Variants in CATSPERT observed in about 807,000 individuals in gnomAD.
The protein encoded by CATSPERT is catsper channel auxiliary subunit tau, also known as cation channel sperm-associated targeting subunit tau.
chr2:201,537,338 G>A, the CATSPERT span: 1 of 986,754 alleles, frequency 1.0e-6, no homozygotes, highest in Admixed American at 2.6e-5. Context: ...GTAACTTCTT[G>A]GATGCCTTTC....
At chr2:201,572,764 G>GA in the CATSPERT span, among the ~76,000 whole-genome samples, 1 of 150,952 alleles carries the variant, frequency 6.6e-6, no homozygotes, top group Admixed American at 6.6e-5. Context: ...TCAAAGCAGA[G>GA]AAGGGAAAAA....
chr2:201,502,029 G>T, the CATSPERT span, among the ~76,000 whole-genome samples: 1 of 152,244 alleles, frequency 6.6e-6, no homozygotes, highest in African/African-American at 2.4e-5. Flanking sequence ...CCTCCAGCCA[G>T]CTTAGAACGG....
the CATSPERT span, chr2:201,491,650 T>G: frequency 6.5e-7 from 1 of 1,537,138 alleles, no homozygotes; most frequent in East Asian, 2.4e-5. Context: ...GTTTAAGTAC[T>G]CATCTTCCCT....
the CATSPERT span, among the ~76,000 whole-genome samples, chr2:201,566,943 C>A: frequency 6.6e-6 from 1 of 152,170 alleles, no homozygotes; most frequent in South Asian, 2.1e-4. Context: ...GATCCTATTT[C>A]ATATATAAGA....
At chr2:201,603,405 G>T in the CATSPERT span, 1 of 715,946 alleles carries the variant, frequency 1.4e-6, no homozygotes, top group Non-Finnish European at 2.2e-6. Context: ...TTGAAATATT[G>T]TTTCTCATGA....
At chr2:201,541,433 C>A in the CATSPERT span, among the ~76,000 whole-genome samples, 1 of 150,626 alleles carries the variant, frequency 6.6e-6, no homozygotes, top group East Asian at 1.9e-4. Flanking sequence ...CCACCCCAAC[C>A]TTCAGCAACT....
At chr2:201,593,255 G>A in the CATSPERT span, among the ~76,000 whole-genome samples, 1 of 151,270 alleles carries the variant, frequency 6.6e-6, no homozygotes, top group African/African-American at 2.4e-5. Context: ...TAGTCATTCA[G>A]GAGCAGGTTG....
the CATSPERT span, chr2:201,487,788 C>A: frequency 6.2e-7 from 1 of 1,613,952 alleles, no homozygotes; most frequent in Admixed American, 1.7e-5. Context: ...GAGTGTCTGG[C>A]ATGGTTATGG....
the CATSPERT span, among the ~76,000 whole-genome samples, chr2:201,530,650 G>C: frequency 1.3e-5 from 2 of 152,150 alleles, no homozygotes; most frequent in African/African-American, 4.8e-5. Context: ...GGAGATATGA[G>C]GTTAATGATG....
the CATSPERT span, among the ~76,000 whole-genome samples, chr2:201,562,090 C>G: frequency 6.6e-6 from 1 of 151,736 alleles, no homozygotes; most frequent in Non-Finnish European, 1.5e-5. Context: ...TATCTTAGAG[C>G]TTTCATACAA....
chr2:201,561,970 A>G, the CATSPERT span, among the ~76,000 whole-genome samples: 9 of 151,998 alleles, frequency 5.9e-5, no homozygotes, highest in African/African-American at 2.2e-4. Context: ...TATGGTCTAT[A>G]AGGCTCTGAA....
chr2:201,511,172 G>A, the CATSPERT span, among the ~76,000 whole-genome samples: 1 of 152,118 alleles, frequency 6.6e-6, no homozygotes, highest in East Asian at 1.9e-4. Flanking sequence ...ACTTTCTAGC[G>A]TTTTGATGCA....
At chr2:201,518,627 C>T in the CATSPERT span, among the ~76,000 whole-genome samples, 9 of 152,262 alleles carry the variant, frequency 5.9e-5, no homozygotes, top group Non-Finnish European at 4.4e-5. Context: ...AGACAGAGTA[C>T]CAAGAGTCAG....
chr2:201,526,086 A>G, the CATSPERT span, among the ~76,000 whole-genome samples: 1 of 152,194 alleles, frequency 6.6e-6, no homozygotes, highest in Non-Finnish European at 1.5e-5. Context: ...AAAATTTAAG[A>G]AGGAGATAGT....
chr2:201,591,648 T>C, the CATSPERT span, among the ~76,000 whole-genome samples: 1 of 152,188 alleles, frequency 6.6e-6, no homozygotes, highest in Non-Finnish European at 1.5e-5. Context: ...GTTTGTATCC[T>C]CTTTTATTTC....
the CATSPERT span, among the ~76,000 whole-genome samples, chr2:201,573,440 T>C: frequency 2.0e-5 from 3 of 152,202 alleles, no homozygotes; most frequent in Non-Finnish European, 2.9e-5. Context: ...CATTTTGTTT[T>C]CTCAGGGCAG....
At chr2:201,494,070 T>A in the CATSPERT span, 1 of 1,535,138 alleles carries the variant, frequency 6.5e-7, no homozygotes, top group Non-Finnish European at 8.7e-7. Context: ...AAAATGAATC[T>A]GCAGGAATAT....
chr2:201,555,138 T>TAAGA, the CATSPERT span: 2 of 152,212 alleles, frequency 1.3e-5, no homozygotes, highest in Non-Finnish European at 2.9e-5. Context: ...ACTAATGGAA[T>TAAGA]ATATAGCTTA....
the CATSPERT span, among the ~76,000 whole-genome samples, chr2:201,515,201 AGTT>A: frequency 2.8e-5 from 2 of 70,214 alleles, 1 homozygote; most frequent in Non-Finnish European, 5.7e-5. Flanking sequence ...ATCTGCCCAT[AGTT>A]TTTTTTTTTT....
Sources: allele counts gnomAD v4.1 joint callset (sites outside exome capture counted in the v4.1 genomes callset), GRCh38; gene constraint gnomAD v4.1.1; transcripts MANE v1.5; gene names NCBI Gene and HGNC (gene_info 2026-07-23, HGNC 2026-07-21).